Variants in ADAMTS17 observed in about 807,000 individuals in gnomAD.
ADAMTS17 encodes ADAM metallopeptidase with thrombospondin type 1 motif 17, also known as A disintegrin and metalloproteinase with thrombospondin motifs 17.
Under a neutral mutation model 141.5 loss-of-function variants are expected in ADAMTS17, and 113 were observed. The ratio of observed to expected loss-of-function variants is 0.80; its 90% CI spans 0.69 to 0.93. The LOEUF (loss-of-function observed/expected upper bound fraction) is 0.93. Ranked by LOEUF, ADAMTS17 falls within the 40% of genes least tolerant of loss-of-function variation. ADAMTS17 has a pLI of 0.00. For missense variants in ADAMTS17, 1,659 were observed against 1,517.9 expected, an observed-to-expected ratio of 1.09 and a Z score of -1.54; for synonymous variants, 768 against 630.6, an observed-to-expected ratio of 1.22 and a Z score of -3.27.
chr15:100,049,959 T>C (rs2062371092), intron 17 of ADAMTS17, among the ~76,000 whole-genome samples: 1 of 152,200 alleles, frequency 6.6e-6, no homozygotes, highest in South Asian at 2.1e-4. Flanking sequence ...ATTGCTGTCA[T>C]TATTATTATT....
intron 12 of ADAMTS17, among the ~76,000 whole-genome samples, chr15:100,119,503 G>A (rs1011559640): frequency 6.6e-6 from 1 of 152,204 alleles, no homozygotes; most frequent in Non-Finnish European, 1.5e-5. Context: ...TTAACTTCCT[G>A]AGTGGTTATC....
chr15:100,058,948 G>A lies in ADAMTS17; in HGVS notation c.2138-4894C>T, dbSNP rs114146437. On this transcript the variant is annotated intron_variant, in intron 15 of 21. Transcript: ENST00000268070. Reference sequence around the variant, plus strand: ...GGACAACAGAGTGCTAGCGGCAGCCGGTTCTCTGGGGAAAATAGCCTAGAG... The same window carrying A: ...GGACAACAGAGTGCTAGCGGCAGCCAGTTCTCTGGGGAAAATAGCCTAGAG... Among the ~76,000 whole-genome samples, 1,146 of 152,284 alleles carry A rather than the reference G, an allele frequency of 7.5e-3. 14 individuals carry two copies. Among genetic ancestry groups the A allele is most frequent in the African/African-American group, 0.026 (1,092 of 41,556 alleles).
At chr15:100,262,698 T>C (rs952617542) in intron 4 of ADAMTS17, among the ~76,000 whole-genome samples, 1 of 151,264 alleles carries the variant, frequency 6.6e-6, no homozygotes, top group Non-Finnish European at 1.5e-5. Flanking sequence ...TTTCTGTACA[T>C]CTAAAATTGT....
chr15:100,095,402 C>T (rs567305311), intron 15 of ADAMTS17, among the ~76,000 whole-genome samples: 1 of 152,162 alleles, frequency 6.6e-6, no homozygotes, highest in Non-Finnish European at 1.5e-5. Flanking sequence ...TTCCTATCCA[C>T]ACAGAGAAAA....
intron 10 of ADAMTS17, among the ~76,000 whole-genome samples, chr15:100,147,469 T>C (rs986838140): frequency 2.6e-5 from 4 of 152,186 alleles, no homozygotes; most frequent in African/African-American, 7.2e-5. Context: ...CAAACCTGTA[T>C]AGCGTGGTAC....
rs552443677 is a variant in ADAMTS17, at chr15:100,243,325, C to A, written c.1075+10811G>T. 2.7e-4 allele frequency among the ~76,000 whole-genome samples: 41 copies of A among 152,288 alleles called. No homozygotes were observed. In the South Asian group the frequency reaches 7.5e-3, roughly 28 times the overall value. On this transcript the variant is annotated intron_variant, in intron 7 of 21. Transcript: ENST00000268070. ...AATATCTGAGTCCCTGCTTTCAATT[C>A]TTTTGGGAGTGTATCAAGAAGTAGA...
Position 100,185,568 on chromosome 15 carries a change from G to T in ADAMTS17, c.1181+13750C>A, listed in dbSNP as rs541024746. Among the ~76,000 whole-genome samples the T allele has an allele frequency of 5.9e-5, 9 of 152,320 alleles. No individual in the cohort carries two copies. The East Asian group carries it at 1.7e-3, about 29-fold the overall frequency. On this transcript the variant is annotated intron_variant, in intron 8 of 21. Coordinates refer to ENST00000268070, the MANE Select transcript of ADAMTS17 (RefSeq NM_139057.4). Reference sequence around the variant, plus strand: ...TCTTTGTGCAAACTCGCCAGTGTGAGAAAATCAACACTTCCCATTGCTTCT... The same window carrying T: ...TCTTTGTGCAAACTCGCCAGTGTGATAAAATCAACACTTCCCATTGCTTCT...
chr15:100,338,114 G>T (rs1464680782), intron 2 of ADAMTS17, among the ~76,000 whole-genome samples: 1 of 152,152 alleles, frequency 6.6e-6, no homozygotes, highest in Non-Finnish European at 1.5e-5. Context: ...TAAGTCTATG[G>T]CCTTTGAAGA....
intron 12 of ADAMTS17, among the ~76,000 whole-genome samples, chr15:100,127,736 C>T (rs369949122): frequency 4.0e-5 from 6 of 151,826 alleles, no homozygotes; most frequent in African/African-American, 1.2e-4. Flanking sequence ...CATGTGCCAC[C>T]GCACCTGGCT....
chr15:100,017,540 C>T (rs1488249935), intron 18 of ADAMTS17, among the ~76,000 whole-genome samples: 4 of 152,216 alleles, frequency 2.6e-5, no homozygotes, highest in East Asian at 1.9e-4. Context: ...GGGCCTTTCC[C>T]GCTGCTTCCT....
rs748016228 is a variant in ADAMTS17 at position 100,261,511 on chromosome 15, C to T, written c.999G>A (p.Pro333=). Residue 333 remains proline, a synonymous_variant, in exon 6 of 22, where the codon CCG becomes CCA. Coordinates refer to ENST00000268070, the MANE Select transcript of ADAMTS17 (RefSeq NM_139057.4). Reference sequence around the variant, plus strand: ...CAAACACGGCAGCATCCACCAGGGGCGGGTCGTCCTTCCCGCCGGGAACCT... The same window carrying T: ...CAAACACGGCAGCATCCACCAGGGGTGGGTCGTCCTTCCCGCCGGGAACCT... ...NNQVPGGKDD[P]PLVDAAVFVT... The T allele has an allele frequency of 2.3e-5, 37 of 1,614,036 alleles. No individual in the cohort carries two copies. The highest frequency in any genetic ancestry group is 1.0e-4 in the Admixed American group (6 of 60,002).
chr15:99,974,907 C>T (rs980436573), intron 21 of ADAMTS17, among the ~76,000 whole-genome samples: 1 of 152,198 alleles, frequency 6.6e-6, no homozygotes, highest in Non-Finnish European at 1.5e-5. Context: ...AACAGGACAA[C>T]ATGGAACAGT....
intron 7 of ADAMTS17, among the ~76,000 whole-genome samples, chr15:100,228,139 A>C (rs2042367038): frequency 2.6e-5 from 4 of 152,052 alleles, no homozygotes; most frequent in Admixed American, 2.6e-4. Flanking sequence ...AGGCTTTCAG[A>C]AGGGGCCATC....
chr15:100,037,481 G>A (rs2141518060), intron 18 of ADAMTS17, among the ~76,000 whole-genome samples: 1 of 150,624 alleles, frequency 6.6e-6, no homozygotes, highest in Non-Finnish European at 1.5e-5. Context: ...CGCAATTTCG[G>A]CTCACTGCAA....
chr15:100,183,974 TA>T (rs1596213811), intron 8 of ADAMTS17, among the ~76,000 whole-genome samples: 1 of 152,040 alleles, frequency 6.6e-6, no homozygotes, highest in East Asian at 1.9e-4. Context: ...CCACCTCCTA[TA>T]GGGGGGTCAG....
intron 18 of ADAMTS17, among the ~76,000 whole-genome samples, chr15:100,047,400 A>T (rs1422736341): frequency 6.6e-6 from 1 of 150,784 alleles, no homozygotes; most frequent in Non-Finnish European, 1.5e-5. Context: ...CCCCTTTTGA[A>T]AATCCCTAAT....
At chr15:100,098,772 T>G (rs1365475779) in intron 14 of ADAMTS17, among the ~76,000 whole-genome samples, 1 of 152,196 alleles carries the variant, frequency 6.6e-6, no homozygotes, top group African/African-American at 2.4e-5. Flanking sequence ...ACCACGTGTC[T>G]GTTGCTTTGT....
rs959315931 is a variant in ADAMTS17, at chr15:99,971,659, A to T, written c.*2743T>A. 2 of 152,214 alleles carry T rather than the reference A, an allele frequency of 1.3e-5. No individual in the cohort carries two copies. The highest frequency in any genetic ancestry group is 2.4e-5 in the African/African-American group (1 of 41,460). The allele number at this position is 152,214 out of a possible 1,614,324, so 9.4% of individuals were successfully genotyped here. A position where few individuals can be genotyped will look rare whatever the true frequency, so the allele number is the denominator to read the frequency against. On this transcript the variant is annotated 3_prime_UTR_variant, in exon 22 of 22. Coordinates refer to ENST00000268070, the MANE Select transcript of ADAMTS17 (RefSeq NM_139057.4). ...CATTTGACTCTGAAACGAAAAAAGG[A>T]CAATCGTATTGCCATAGAGGCTCTT...
chr15:100,190,909 T>G (rs756757154), intron 8 of ADAMTS17, among the ~76,000 whole-genome samples: 27 of 152,356 alleles, frequency 1.8e-4, no homozygotes, highest in Non-Finnish European at 3.2e-4. Context: ...AGCACTGTGC[T>G]GTGGCCTGAG....
Sources: allele counts gnomAD v4.1 joint callset (sites outside exome capture counted in the v4.1 genomes callset), GRCh38; gene constraint gnomAD v4.1.1; transcripts MANE v1.5; gene names NCBI Gene and HGNC (gene_info 2026-07-23, HGNC 2026-07-21).